The following KLHL14 variants were observed in gnomAD, a reference collection of about 807,000 sequenced individuals.
The protein encoded by KLHL14 is kelch like family member 14, also known as kelch-like protein 14.
KLHL14 carries 22 observed loss-of-function variants against 64.3 expected under a neutral mutation model. That is an observed-to-expected ratio of 0.34 (90% confidence interval 0.24 to 0.49). The LOEUF is 0.49. KLHL14 is among the 20% of genes least tolerant of loss of function. The pLI is 0.99. For missense variants in KLHL14, 661 were observed against 789.0 expected (o/e 0.84, Z 1.94); for synonymous variants, 322 against 333.4 (o/e 0.97, Z 0.37).
At chr18:32,686,157 G>A (rs1335821125) in intron 5 of KLHL14, among the ~76,000 whole-genome samples, 3 of 149,616 alleles carry the variant, frequency 2.0e-5, no homozygotes, top group Non-Finnish European at 3.0e-5. Flanking sequence ...GATTACAGGC[G>A]CTTGCCACTG....
At chr18:32,694,246 G>A (rs1005986767) in intron 4 of KLHL14, among the ~76,000 whole-genome samples, 1 of 152,200 alleles carries the variant, frequency 6.6e-6, no homozygotes, top group Non-Finnish European at 1.5e-5. Context: ...GATAAACCCA[G>A]TGGCTGCACA....
chr18:32,740,097 G>A (rs550750218), intron 3 of KLHL14, among the ~76,000 whole-genome samples: 1 of 152,264 alleles, frequency 6.6e-6, no homozygotes, highest in South Asian at 2.1e-4. Context: ...TTGCAACCAA[G>A]TCTGTCTGAT....
In KLHL14 at chr18:32,770,102, G is replaced by A. The variant is rs777357049; in HGVS notation, c.490C>T (p.Leu164=). 1.2e-6 allele frequency: 2 copies of A among 1,614,176 alleles called. No homozygotes were observed. The highest frequency in any genetic ancestry group is 1.7e-6 in the Non-Finnish European group (2 of 1,180,032). Residue 164 remains leucine (L), a synonymous_variant, in exon 2 of 9, where the codon CTG becomes TTG. Transcript: ENST00000359358. This position sits in a 1 kb window ranked among gnomAD's most constrained non-coding sequence, Gnocchi z 6.7. ...VEEVLSVSKI[L]HIPQVTKLCV... ...AGCTTGGTGACCTGGGGGATGTGCA[G>A]GATCTTGCTGACCGACAGCACCTCC...
intron 3 of KLHL14, among the ~76,000 whole-genome samples, chr18:32,723,293 C>A (rs766836964): frequency 5.9e-5 from 9 of 151,986 alleles, no homozygotes; most frequent in Non-Finnish European, 1.0e-4. Flanking sequence ...ATAGTGAATC[C>A]AAGGAAGCTG....
chr18:32,675,703 G>A (rs2144460770), intron 8 of KLHL14, among the ~76,000 whole-genome samples: 1 of 152,168 alleles, frequency 6.6e-6, no homozygotes, highest in Non-Finnish European at 1.5e-5. Context: ...AGGCAGCTTT[G>A]TGTTTATCAT....
intron 3 of KLHL14, among the ~76,000 whole-genome samples, chr18:32,707,850 C>T (rs2049998187): frequency 6.6e-6 from 1 of 152,196 alleles, no homozygotes; most frequent in Non-Finnish European, 1.5e-5. Flanking sequence ...TAAATCATAG[C>T]TGTAAGTATG....
chr18:32,724,607 C>T (rs552836329), intron 3 of KLHL14, among the ~76,000 whole-genome samples: 13 of 152,284 alleles, frequency 8.5e-5, no homozygotes, highest in African/African-American at 3.1e-4. Context: ...ATTGACCTCA[C>T]ATTGTTACTC....
chr18:32,770,593 G>A lies in KLHL14; in HGVS notation c.-2C>T. 3.2e-6 allele frequency: 5 copies of A among 1,561,382 alleles called. No homozygotes were observed. Among genetic ancestry groups the A allele is most frequent in the African/African-American group, 1.4e-5 (1 of 74,054 alleles). The stretch of plus-strand genomic sequence containing the variant: ...GGTCCTGTCCCCGGATCTGGACATG[G>A]CGAGCTGACTCGGTGCACCTGGCTT... On this transcript the variant is annotated 5_prime_UTR_variant, in exon 2 of 9. Coordinates refer to ENST00000359358, the MANE Select transcript of KLHL14 (RefSeq NM_020805.3). The surrounding 1 kb of genome is among the most constrained non-coding windows in gnomAD (Gnocchi z 6.7).
intron 4 of KLHL14, among the ~76,000 whole-genome samples, chr18:32,689,755 A>G (rs900456806): frequency 1.3e-5 from 2 of 152,218 alleles, no homozygotes; most frequent in African/African-American, 4.8e-5. Flanking sequence ...GGAAGACAGA[A>G]TATATAAGTT....
At chr18:32,709,940 G>T (rs1424470572) in intron 3 of KLHL14, among the ~76,000 whole-genome samples, 2 of 152,112 alleles carry the variant, frequency 1.3e-5, no homozygotes, top group Non-Finnish European at 2.9e-5. Context: ...TAAGTATGTA[G>T]GTTTAGCTAC....
intron 2 of KLHL14, among the ~76,000 whole-genome samples, chr18:32,759,041 A>G (rs567449440): frequency 1.1e-3 from 162 of 152,240 alleles, no homozygotes; most frequent in South Asian, 1.9e-3. Context: ...TGGCCACACA[A>G]CTCTGTGAAT....
intron 2 of KLHL14, among the ~76,000 whole-genome samples, chr18:32,765,541 C>A (rs1161179823): frequency 6.6e-6 from 1 of 152,072 alleles, no homozygotes; most frequent in Non-Finnish European, 1.5e-5. Flanking sequence ...ATTTCTGATA[C>A]AAAATTTAAC....
intron 7 of KLHL14, among the ~76,000 whole-genome samples, 191 bp downstream of exon 7, chr18:32,679,977 AT>A (rs1388656586): frequency 6.6e-6 from 1 of 152,180 alleles, no homozygotes; most frequent in Non-Finnish European, 1.5e-5. Context: ...TAACTTAAAA[AT>A]AATCCTATCT....
intron 3 of KLHL14, among the ~76,000 whole-genome samples, chr18:32,736,431 C>T (rs1045879000): frequency 3.9e-5 from 6 of 152,082 alleles, no homozygotes; most frequent in East Asian, 1.9e-4. Flanking sequence ...GCCATGGAAA[C>T]GATTGCTCCA....
intron 3 of KLHL14, chr18:32,738,166 C>T (rs973502311): frequency 2.0e-5 from 3 of 152,118 alleles, no homozygotes; most frequent in South Asian, 2.1e-4. Context: ...CAATGCTGCC[C>T]TATGGGGAGA....
At position 32,683,212 on chromosome 18, in the gene KLHL14, T is replaced by C. The variant is rs2049851886; in HGVS notation, c.1239-2613A>G. 6.6e-6 allele frequency among the ~76,000 whole-genome samples: 1 copy of C among 152,204 alleles called. No homozygotes were observed. The highest frequency in any genetic ancestry group is 1.5e-5 in the Non-Finnish European group (1 of 68,038). On this transcript the variant is annotated intron_variant, in intron 5 of 8. Transcript: ENST00000359358. This position sits in a 1 kb window ranked among gnomAD's most constrained non-coding sequence, Gnocchi z 4.2. ...TCTTTTCTAGCCAAGGCGTTCTTCA[T>C]GCGACACTTCGTGTGTACTCCTAGC...
At position 32,683,243 on chromosome 18, in the gene KLHL14, C is replaced by G. The variant is rs1382135187; in HGVS notation, c.1239-2644G>C. Among the ~76,000 whole-genome samples, 1 of 152,112 alleles carries G rather than the reference C, an allele frequency of 6.6e-6. No individual in the cohort carries two copies. Among genetic ancestry groups the G allele is most frequent in the Non-Finnish European group, 1.5e-5 (1 of 68,028 alleles). On this transcript the variant is annotated intron_variant, in intron 5 of 8. Coordinates refer to ENST00000359358, the MANE Select transcript of KLHL14 (RefSeq NM_020805.3). This position sits in a 1 kb window ranked among gnomAD's most constrained non-coding sequence, Gnocchi z 4.2. ...ACTTCGTGTGTACTCCTAGCTTTAT[C>G]CACACAGTGTCACTGTTAGGATCTA...
intron 5 of KLHL14, among the ~76,000 whole-genome samples, chr18:32,682,826 T>C (rs2049849154): frequency 6.6e-6 from 1 of 152,172 alleles, no homozygotes; most frequent in Admixed American, 6.6e-5. Context: ...AAGTAAAACA[T>C]ATTTTTTTTC....
intron 3 of KLHL14, among the ~76,000 whole-genome samples, chr18:32,713,010 A>C: frequency 6.6e-6 from 1 of 152,004 alleles, no homozygotes; most frequent in East Asian, 1.9e-4. Context: ...AGCATGCTCC[A>C]AGAGCTTGCT....
Sources: allele counts gnomAD v4.1 joint callset (sites outside exome capture counted in the v4.1 genomes callset), GRCh38; gene constraint gnomAD v4.1.1; non-coding constraint Gnocchi (gnomAD v3.1); transcripts MANE v1.5; gene names NCBI Gene and HGNC (gene_info 2026-07-23, HGNC 2026-07-21).